The following MKKS variants were observed in gnomAD, a reference collection of about 807,000 sequenced individuals.
The protein encoded by MKKS is MKKS centrosomal shuttling protein.
In MKKS, 29 loss-of-function variants were observed where a neutral mutation model predicts 33.2. That is an observed-to-expected ratio of 0.87 (90% CI 0.65 to 1.19). MKKS has a LOEUF of 1.19. Ranked by LOEUF, MKKS falls within the 50% of genes most tolerant of loss-of-function variation. MKKS has a pLI of 0.00. For missense variants in MKKS, 661 were observed against 662.3 expected (o/e 1.00, Z 0.02); for synonymous variants, 260 against 244.0 (o/e 1.07, Z -0.61).
chr20:10,405,401 A>T lies in MKKS; in HGVS notation c.1559T>A (p.Phe520Tyr). The change falls in exon 6 of 6, where the codon TTT becomes TAT. Residue 520 changes from phenylalanine (F) to tyrosine (Y), a missense_variant. Physicochemically the swap from Phe to Tyr is conservative, Grantham distance 22. Transcript: ENST00000347364. ...WSFLRSTRRP[F>Y]VPQSCLPHEA... ...ATGTGGAAGGCAGCTTTGTGGCACA[A>T]ATGGACGACGTGTGCTTCTTAAGAA... 6.2e-7 allele frequency: 1 copy of T among 1,614,188 alleles called. No homozygotes were observed.
intron 3 of MKKS, 116 bp downstream of exon 3, chr20:10,412,414 G>C: frequency 9.9e-7 from 1 of 1,012,618 alleles, no homozygotes; most frequent in Admixed American, 1.7e-5. Flanking sequence ...AAATGATACT[G>C]ACACATGCTG....
intron 1 of MKKS, among the ~76,000 whole-genome samples, chr20:10,427,029 GACACACACACAC>G (rs377703248): frequency 0.21 from 27,606 of 130,648 alleles, 3,583 homozygotes; most frequent in Non-Finnish European, 0.28. Flanking sequence ...AGAAAACACT[GACACACACACAC>G]ACACACACAC....
At chr20:10,418,934 C>T (rs1200416073) in intron 2 of MKKS, among the ~76,000 whole-genome samples, 2 of 152,020 alleles carry the variant, frequency 1.3e-5, no homozygotes, top group African/African-American at 2.4e-5. Context: ...TATAGAATGT[C>T]CTAAAGTTAC....
At chr20:10,421,150 C>T (rs1016012976) in intron 1 of MKKS, among the ~76,000 whole-genome samples, 31 of 152,054 alleles carry the variant, frequency 2.0e-4, no homozygotes, top group South Asian at 2.1e-4. Context: ...TAATTACAGG[C>T]TGAGGGTGGT....
chr20:10,432,530 T>C (rs1376180727), intron 1 of MKKS, among the ~76,000 whole-genome samples: 2 of 152,170 alleles, frequency 1.3e-5, no homozygotes, highest in African/African-American at 4.8e-5. Context: ...CCGTGGGTCA[T>C]GCCTGTAATC....
At chr20:10,428,839 G>A (rs1222206621) in intron 1 of MKKS, among the ~76,000 whole-genome samples, 1 of 94,712 alleles carries the variant, frequency 1.1e-5, no homozygotes, top group Non-Finnish European at 2.4e-5. Flanking sequence ...GCAAGACTCC[G>A]TCTCAATAAA....
chr20:10,406,064 T>C (rs1341382161), intron 5 of MKKS, among the ~76,000 whole-genome samples: 2 of 152,210 alleles, frequency 1.3e-5, no homozygotes, highest in African/African-American at 4.8e-5. Context: ...TCCTGAAGAC[T>C]GATGTCCCAA....
At chr20:10,419,754 G>C (rs910284062) in intron 2 of MKKS, among the ~76,000 whole-genome samples, 1 of 152,138 alleles carries the variant, frequency 6.6e-6, no homozygotes, top group African/African-American at 2.4e-5. Context: ...GACAGACAAG[G>C]GAATGACTCA....
chr20:10,406,734 TA>T (rs1600843884), intron 5 of MKKS, among the ~76,000 whole-genome samples: 1 of 150,112 alleles, frequency 6.7e-6, no homozygotes, highest in East Asian at 2.0e-4. Flanking sequence ...CTCCTTCCTC[TA>T]AAAAACTTTC....
intron 1 of MKKS, 91 bp from the exon 2 acceptor site, chr20:10,420,849 G>GTAGTGC (rs1434016666): frequency 6.6e-6 from 1 of 152,122 alleles, no homozygotes; most frequent in Non-Finnish European, 1.5e-5. Flanking sequence ...GTAGCATGCT[G>GTAGTGC]TACTCTAACA....
rs147656403 is a variant in MKKS, at chr20:10,433,638, T to C, written c.-649+470A>G. ...ACAGCCCTGCAAGCCCCGCGGCTGCTTTCACGTAGCTGGCAGGGCCACGCT... is the reference window on the plus strand; with the variant it reads ...ACAGCCCTGCAAGCCCCGCGGCTGCCTTCACGTAGCTGGCAGGGCCACGCT... On this transcript the variant is annotated intron_variant, in intron 1 of 5. Transcript: ENST00000347364. Among the ~76,000 whole-genome samples the C allele has an allele frequency of 2.0e-3, 300 of 152,284 alleles. 2 individuals are homozygous for C. Among genetic ancestry groups the C allele is most frequent in the African/African-American group, 7.0e-3 (289 of 41,560 alleles).
intron 1 of MKKS, among the ~76,000 whole-genome samples, chr20:10,422,191 A>G (rs906345282): frequency 6.6e-6 from 1 of 152,156 alleles, no homozygotes; most frequent in Non-Finnish European, 1.5e-5. Context: ...TTTCTCCCAA[A>G]GGTCTCAATT....
Position 10,413,516 on chromosome 20 carries a change from T to G in MKKS, c.-2A>C. 2 of 1,614,188 alleles carry G rather than the reference T, an allele frequency of 1.2e-6. No individual in the cohort carries two copies. Among genetic ancestry groups the G allele is most frequent in the African/African-American group, 2.7e-5 (2 of 75,070 alleles). ...CTTCTTAGCTTCCAAACGAGACATC[T>G]TACTTCAGGTGGTAACTAGTGAAGA... On this transcript the variant is annotated 5_prime_UTR_variant, in exon 3 of 6. Coordinates refer to ENST00000347364, the MANE Select transcript of MKKS (RefSeq NM_170784.3).
In MKKS at chr20:10,405,581, G is replaced by C; in HGVS notation, c.1379C>G (p.Ser460Cys). The C allele has an allele frequency of 1.2e-6, 2 of 1,614,150 alleles. No individual in the cohort carries two copies. Among genetic ancestry groups the C allele is most frequent in the Non-Finnish European group, 1.7e-6 (2 of 1,180,034 alleles). The change falls in exon 6 of 6, where the codon TCT (serine) becomes TGT (cysteine). Residue 460 changes from serine to cysteine, a missense_variant. Transcript: ENST00000347364. ...AATTTCACCTCCATCATGTTCTAAA[G>C]AGCCAACAACAGATTCTAGGGCACT... ...FCSALESVVGSLEHDGGEILT... is the reference protein window; with the variant it reads ...FCSALESVVGCLEHDGGEILT...
chr20:10,406,760 T>A (rs578100412), intron 5 of MKKS, among the ~76,000 whole-genome samples: 8 of 152,316 alleles, frequency 5.3e-5, no homozygotes, highest in South Asian at 2.1e-4. Context: ...GTTTATCAAT[T>A]CCATTTCAGA....
At chr20:10,412,421 G>A (rs887346137) in intron 3 of MKKS, 109 bp downstream of exon 3, 2 of 1,073,412 alleles carry the variant, frequency 1.9e-6, no homozygotes, top group African/African-American at 3.1e-5. Context: ...ACTGACACAT[G>A]CTGGGTCAAT....
intron 3 of MKKS, among the ~76,000 whole-genome samples, chr20:10,411,652 T>C (rs1453368049): frequency 6.6e-6 from 1 of 151,100 alleles, no homozygotes; most frequent in African/African-American, 2.5e-5. Context: ...TACATATGGC[T>C]CCTTTTTGAT....
Position 10,413,189 on chromosome 20 carries a change from A to G in MKKS, c.326T>C (p.Leu109Ser). ...CCNLIENVQR[L>S]GLTPTTVIRL... ...AATGACAGTGGTGGGTGTCAAGCCTAATCTCTGAACATTTTCAATCAGGTT... is the reference window on the plus strand; with the variant it reads ...AATGACAGTGGTGGGTGTCAAGCCTGATCTCTGAACATTTTCAATCAGGTT... Residue 109 changes from leucine to serine, a missense_variant, in exon 3 of 6, where the codon TTA (leucine) becomes TCA (serine). Coordinates refer to ENST00000347364, the MANE Select transcript of MKKS (RefSeq NM_170784.3). 1 of 1,614,204 alleles carries G rather than the reference A, an allele frequency of 6.2e-7. No homozygotes were observed. Among genetic ancestry groups the G allele is most frequent in the Non-Finnish European group, 8.5e-7 (1 of 1,180,022 alleles).
At position 10,413,337 on chromosome 20, in the gene MKKS, A is replaced by G. The variant is rs1328963256; in HGVS notation, c.178T>C (p.Ser60Pro). Reference protein sequence around the residue: ...FGGYVCTTSQSSALLSHLLVT... With the variant: ...FGGYVCTTSQPSALLSHLLVT... Reference sequence around the variant, plus strand: ...AAAAGGTGACTGAGCAGAGCTGAGGACTGTGAGGTTGTACACACGTAACCT... The same window carrying G: ...AAAAGGTGACTGAGCAGAGCTGAGGGCTGTGAGGTTGTACACACGTAACCT... Residue 60 changes from serine to proline, a missense_variant, in exon 3 of 6, where the codon TCC (serine) becomes CCC (proline). By Grantham distance (74) the Ser-to-Pro change is moderately conservative. Coordinates refer to ENST00000347364, the MANE Select transcript of MKKS (RefSeq NM_170784.3). 5 of 1,614,054 alleles carry G rather than the reference A, an allele frequency of 3.1e-6. No individual in the cohort carries two copies. The highest frequency in any genetic ancestry group is 4.2e-6 in the Non-Finnish European group (5 of 1,180,008).
Sources: gnomAD v4.1 joint callset for allele counts (sites outside exome capture counted in the v4.1 genomes callset) on GRCh38, gnomAD v4.1.1 for gene constraint, MANE v1.5 for transcripts, NCBI Gene and HGNC (gene_info 2026-07-23, HGNC 2026-07-21) for gene names.